RNASEH2B: variants seen among roughly 807,000 people sequenced by gnomAD.
The protein encoded by RNASEH2B is Aicardi-Goutieres syndrome 2 protein.
RNASEH2B carries 36 observed loss-of-function variants against 45.0 expected under a neutral mutation model. The ratio of observed to expected loss-of-function variants is 0.80; its 90% confidence interval spans 0.61 to 1.06. The LOEUF (loss-of-function observed/expected upper bound fraction) is 1.06. RNASEH2B is among the 50% of genes least tolerant of loss of function. The pLI is 0.00. For missense variants in RNASEH2B, 361 were observed against 360.3 expected, an observed-to-expected ratio of 1.00 and a Z score of -0.02; for synonymous variants, 119 against 125.7, an observed-to-expected ratio of 0.95 and a Z score of 0.35.
intron 10 of RNASEH2B, 189 bp downstream of exon 10, chr13:50,954,174 T>C (rs962615193): frequency 3.1e-6 from 2 of 641,392 alleles, no homozygotes. Context: ...CTAAGACTTA[T>C]TATTAGTCAG....
Position 50,909,906 on chromosome 13 carries a change from C to T in RNASEH2B, c.-171C>T, listed in dbSNP as rs1879235582. 3 of 502,378 alleles carry T rather than the reference C, an allele frequency of 6.0e-6. No individual in the cohort carries two copies. Among genetic ancestry groups the T allele is most frequent in the East Asian group, 3.6e-5 (1 of 27,976 alleles). The allele number at this position is 502,378 out of a possible 1,614,324, so 31.1% of individuals were successfully genotyped here. A position where few individuals can be genotyped will look rare whatever the true frequency, so the allele number is the denominator to read the frequency against. On this transcript the variant is annotated 5_prime_UTR_variant, in exon 1 of 11. Transcript: ENST00000336617. ...TTAAAAACGTAACACGAGCAGCAGGCTGGTCTCGGAAACGAAACGAAATTC... is the reference window on the plus strand; with the variant it reads ...TTAAAAACGTAACACGAGCAGCAGGTTGGTCTCGGAAACGAAACGAAATTC...
downstream of RNASEH2B, among the ~76,000 whole-genome samples, chr13:50,960,687 C>A (rs1952103356): frequency 6.6e-6 from 1 of 152,120 alleles, no homozygotes; most frequent in African/African-American, 2.4e-5. Flanking sequence ...CTTTCTTAAC[C>A]TTTGTCAAAT....
At chr13:50,916,606 A>G (rs1016900991) in intron 1 of RNASEH2B, among the ~76,000 whole-genome samples, 2 of 152,256 alleles carry the variant, frequency 1.3e-5, no homozygotes. Flanking sequence ...ACAGAGCTGT[A>G]TTGGACCCAA....
chr13:50,956,394 G>A lies in RNASEH2B; in HGVS notation c.859G>A (p.Ala287Thr). The A allele has an allele frequency of 6.2e-7, 1 of 1,603,588 alleles. No homozygotes were observed. The highest frequency in any genetic ancestry group is 8.5e-7 in the Non-Finnish European group (1 of 1,173,378). The change falls in exon 11 of 11, where the codon GCT (alanine) becomes ACT (threonine). Residue 287 changes from alanine to threonine, a missense_variant. Transcript: ENST00000336617. The part of the protein sequence containing the change: ...SKMTAAQKAL[A>T]KVDKSGMKSI... Reference sequence around the variant, plus strand: ...AATGACTGCAGCTCAGAAGGCTTTGGCTAAAGTTGACAAGAGTGGAATGAA... The same window carrying A: ...AATGACTGCAGCTCAGAAGGCTTTGACTAAAGTTGACAAGAGTGGAATGAA...
chr13:50,937,465 G>A (rs1951770006), intron 5 of RNASEH2B: 1 of 152,038 alleles, frequency 6.6e-6, no homozygotes, highest in African/African-American at 2.4e-5. Context: ...GGGCTCAAGG[G>A]AACCTCCCGC....
upstream of RNASEH2B, chr13:50,909,746 G>A (rs921074543): frequency 4.3e-6 from 1 of 235,266 alleles, no homozygotes; most frequent in Non-Finnish European, 8.3e-6. Context: ...ACCCCGCCCC[G>A]CTCCGCGTCA....
At position 50,927,468 on chromosome 13, in the gene RNASEH2B, C is replaced by CCCCT; in HGVS notation, c.127_130dup (p.Cys44SerfsTer20). 6.3e-7 allele frequency: 1 copy of CCCCT among 1,596,734 alleles called. No individual in the cohort carries two copies. Among genetic ancestry groups the CCCCT allele is most frequent in the South Asian group, 1.1e-5 (1 of 90,750 alleles). On this transcript the variant is annotated frameshift_variant, in exon 2 of 11. Transcript: ENST00000336617. LOFTEE classifies it high-confidence loss of function. ...GGCTAATGTTTGTAAAACTGGTTAA[C>CCCCT]CCCTGTTCAGGTAAGTTCTCTTCTC...
At chr13:50,918,008 AT>A (rs1879840174) in intron 1 of RNASEH2B, among the ~76,000 whole-genome samples, 3 of 152,048 alleles carry the variant, frequency 2.0e-5, no homozygotes, top group African/African-American at 7.2e-5. Flanking sequence ...GAACCTGAAT[AT>A]TTTTACTAGC....
intron 9 of RNASEH2B, among the ~76,000 whole-genome samples, chr13:50,966,183 C>T (rs969593594): frequency 8.5e-5 from 13 of 152,154 alleles, no homozygotes; most frequent in African/African-American, 2.9e-4. Flanking sequence ...TTCATATACA[C>T]ACATAACACA....
chr13:50,923,976 G>A (rs1951557118), intron 1 of RNASEH2B, among the ~76,000 whole-genome samples: 1 of 152,138 alleles, frequency 6.6e-6, no homozygotes, highest in Non-Finnish European at 1.5e-5. Context: ...TACATTGTGA[G>A]TTAAGATACT....
At chr13:50,940,298 G>A (rs1259106164) in intron 5 of RNASEH2B, among the ~76,000 whole-genome samples, 2 of 152,228 alleles carry the variant, frequency 1.3e-5, no homozygotes, top group East Asian at 3.9e-4. Flanking sequence ...GGAACTTTGG[G>A]GGATGATGCT....
At chr13:50,958,722 T>C (rs1282448730), downstream of RNASEH2B, among the ~76,000 whole-genome samples, 1 of 152,252 alleles carries the variant, frequency 6.6e-6, no homozygotes, top group Non-Finnish European at 1.5e-5. Context: ...AATGACAGTA[T>C]AATTTTTGAT....
intron 9 of RNASEH2B, among the ~76,000 whole-genome samples, chr13:50,964,012 A>G (rs1952139994): frequency 6.6e-6 from 1 of 152,236 alleles, no homozygotes; most frequent in African/African-American, 2.4e-5. Context: ...AGCCTGACCA[A>G]CATGGAGAAA....
chr13:50,929,497 CA>C lies in RNASEH2B; in HGVS notation c.161del (p.Asn54IlefsTer10). Reference sequence around the variant, plus strand: ...CAGGAGAAGGAGCCATTTACTTGTTCAATATGTGTCTACAGCAGCTGTTTGA... The same window carrying C: ...CAGGAGAAGGAGCCATTTACTTGTTCATATGTGTCTACAGCAGCTGTTTGA... ...CSGEGAIYLF[N>X]MCLQQLFEVK... On this transcript the variant is annotated frameshift_variant, in exon 3 of 11. Transcript: ENST00000336617. LOFTEE classifies it high-confidence loss of function. The C allele has an allele frequency of 6.2e-7, 1 of 1,613,090 alleles. No individual in the cohort carries two copies. Among genetic ancestry groups the C allele is most frequent in the Non-Finnish European group, 8.5e-7 (1 of 1,179,210 alleles).
chr13:50,910,850 T>C (rs968371076), intron 1 of RNASEH2B: 2 of 152,270 alleles, frequency 1.3e-5, no homozygotes, highest in African/African-American at 4.8e-5. Context: ...TTGGTCTTTT[T>C]ATATATGTAA....
At chr13:50,919,608 A>G (rs1245048735) in intron 1 of RNASEH2B, among the ~76,000 whole-genome samples, 3 of 152,334 alleles carry the variant, frequency 2.0e-5, no homozygotes, top group Admixed American at 6.5e-5. Context: ...ATAGGAGAAT[A>G]GTCATGTCAG....
intron 5 of RNASEH2B, chr13:50,942,872 T>C (rs1380786011): frequency 6.2e-6 from 1 of 161,200 alleles, no homozygotes; most frequent in East Asian, 1.8e-4. Flanking sequence ...GGTTTCCACG[T>C]TAGACATAGA....
intron 5 of RNASEH2B, chr13:50,941,780 A>C (rs1488121379): frequency 6.6e-6 from 1 of 152,248 alleles, no homozygotes; most frequent in Non-Finnish European, 1.5e-5. Context: ...AAAACAGCAG[A>C]CATTGCACCT....
At chr13:50,949,751 G>A (rs1951953514) in intron 9 of RNASEH2B, among the ~76,000 whole-genome samples, 2 of 152,142 alleles carry the variant, frequency 1.3e-5, no homozygotes, top group Admixed American at 1.3e-4. Context: ...AGGTACCCCT[G>A]TGAAAATATT....
Sources: gnomAD v4.1 joint callset for allele counts (sites outside exome capture counted in the v4.1 genomes callset) on GRCh38, gnomAD v4.1.1 for gene constraint, MANE v1.5 for transcripts, NCBI Gene and HGNC (gene_info 2026-07-23, HGNC 2026-07-21) for gene names.